Variants in UIMC1 observed in about 807,000 individuals in gnomAD.
The protein encoded by UIMC1 is ubiquitin interaction motif containing 1.
In UIMC1, 42 loss-of-function variants were observed where a neutral mutation model predicts 84.9. The observed-to-expected ratio is 0.49, with a 90% confidence interval of 0.39 to 0.64. UIMC1 has a LOEUF of 0.64. Ranked by LOEUF, UIMC1 falls within the 30% of genes least tolerant of loss-of-function variation. The probability of loss-of-function intolerance (pLI) is 0.00; values close to 1 mark genes in which losing one functional copy is unlikely to be tolerated. For synonymous variants in UIMC1, 281 were observed against 293.0 expected (o/e 0.96, Z 0.42); for missense variants, 825 against 847.6 (o/e 0.97, Z 0.33).
At position 176,944,026 on chromosome 5, in the gene UIMC1, C is replaced by T. The variant is rs141438398; in HGVS notation, c.1444-538G>A. Among the ~76,000 whole-genome samples the T allele has an allele frequency of 2.8e-3, 428 of 152,274 alleles. 3 individuals carry two copies. Among genetic ancestry groups the T allele is most frequent in the African/African-American group, 9.5e-3 (394 of 41,560 alleles). ...TGTGCCTGCTGGGTTTCACATTTTG[C>T]ATATCAACAGCACCTTAAGGACACA... On this transcript the variant is annotated intron_variant, in intron 9 of 14. Transcript: ENST00000511320.
At chr5:176,985,162 G>T (rs1258574715) in intron 1 of UIMC1, among the ~76,000 whole-genome samples, 2 of 151,316 alleles carry the variant, frequency 1.3e-5, no homozygotes, top group Admixed American at 6.6e-5. Flanking sequence ...TTTTTCTATA[G>T]AGAGAAACAT....
At chr5:176,993,883 T>G (rs538874202) in intron 1 of UIMC1, among the ~76,000 whole-genome samples, 1 of 151,600 alleles carries the variant, frequency 6.6e-6, no homozygotes, top group African/African-American at 2.4e-5. Flanking sequence ...TGGCAGGCAC[T>G]TGTAGTCCCA....
At chr5:176,925,359 C>G (rs567307257) in intron 10 of UIMC1, among the ~76,000 whole-genome samples, 1 of 152,086 alleles carries the variant, frequency 6.6e-6, no homozygotes, top group East Asian at 1.9e-4. Flanking sequence ...AGATGTAAAA[C>G]AAGTAAAATA....
intron 10 of UIMC1, among the ~76,000 whole-genome samples, chr5:176,938,565 C>T (rs908467788): frequency 2.0e-5 from 3 of 151,848 alleles, no homozygotes; most frequent in African/African-American, 7.3e-5. Context: ...ACCCTGCTCC[C>T]TCTCATAGGG....
chr5:176,908,269 T>C (rs965115499), intron 12 of UIMC1, among the ~76,000 whole-genome samples: 4 of 152,208 alleles, frequency 2.6e-5, no homozygotes, highest in Non-Finnish European at 5.9e-5. Flanking sequence ...TTATCATCTT[T>C]GAGTAGCTAA....
At chr5:176,915,091 T>C (rs1327491932) in intron 10 of UIMC1, among the ~76,000 whole-genome samples, 1 of 152,170 alleles carries the variant, frequency 6.6e-6, no homozygotes, top group African/African-American at 2.4e-5. Flanking sequence ...ACTCCACAGA[T>C]AGGGATGGAA....
At chr5:176,911,784 C>T (rs1232442660) in intron 10 of UIMC1, among the ~76,000 whole-genome samples, 1 of 152,106 alleles carries the variant, frequency 6.6e-6, no homozygotes, top group East Asian at 1.9e-4. Flanking sequence ...GTAATGATAG[C>T]CATCCGAGTG....
At chr5:176,998,466 C>CA (rs35445945) in intron 1 of UIMC1, among the ~76,000 whole-genome samples, 1,080 of 64,382 alleles carry the variant, frequency 0.017, 56 homozygotes, top group Non-Finnish European at 0.021. Flanking sequence ...GACTCTGTCT[C>CA]AAAAAAAAAA....
At chr5:176,991,590 A>AG (rs1772837620) in intron 1 of UIMC1, among the ~76,000 whole-genome samples, 1 of 140,162 alleles carries the variant, frequency 7.1e-6, no homozygotes, top group African/African-American at 2.7e-5. Context: ...TGGTGGCACT[A>AG]TTGCATTCAA....
chr5:177,008,040 G>A (rs1304289716), upstream of UIMC1, among the ~76,000 whole-genome samples: 1 of 151,010 alleles, frequency 6.6e-6, no homozygotes, highest in Non-Finnish European at 1.5e-5. Flanking sequence ...GGGAGGCAGA[G>A]GTTGCAGTGA....
At chr5:177,019,791 G>C (rs1454933302) in intron 1 of UIMC1, among the ~76,000 whole-genome samples, 1 of 152,090 alleles carries the variant, frequency 6.6e-6, no homozygotes. Flanking sequence ...ACATAGCTGG[G>C]TATAGTGATG....
At chr5:176,984,980 G>A (rs1415074015) in intron 1 of UIMC1, among the ~76,000 whole-genome samples, 1 of 152,016 alleles carries the variant, frequency 6.6e-6, no homozygotes, top group Non-Finnish European at 1.5e-5. Flanking sequence ...CCTCTGCCTA[G>A]GAAAACCAGA....
intron 7 of UIMC1, 127 bp downstream of exon 7, chr5:176,957,966 G>A: frequency 1.4e-6 from 1 of 701,644 alleles, no homozygotes; most frequent in South Asian, 3.7e-5. Context: ...ATTTCTCCTA[G>A]TCTTCACTTA....
intron 1 of UIMC1, among the ~76,000 whole-genome samples, chr5:176,984,119 T>G (rs1677493034): frequency 1.8e-5 from 2 of 110,050 alleles, no homozygotes; most frequent in African/African-American, 7.2e-5. Flanking sequence ...CCGCCCTGTC[T>G]GGAAAGTGAG....
chr5:176,949,612 A>G (rs951235466), intron 9 of UIMC1, among the ~76,000 whole-genome samples: 5 of 152,104 alleles, frequency 3.3e-5, no homozygotes, highest in Non-Finnish European at 4.4e-5. Flanking sequence ...CATCTTTCCT[A>G]CCACCACTGG....
At chr5:176,942,586 A>AC (rs911087781) in intron 10 of UIMC1, among the ~76,000 whole-genome samples, 1 of 151,612 alleles carries the variant, frequency 6.6e-6, no homozygotes, top group African/African-American at 2.4e-5. Flanking sequence ...ACTAAAAAAA[A>AC]AATACAAAAA....
chr5:176,970,663 C>T, intron 4 of UIMC1, 79 bp downstream of exon 4: 2 of 1,606,356 alleles, frequency 1.2e-6, no homozygotes, highest in Non-Finnish European at 1.7e-6. Context: ...CAGCTAGTTC[C>T]TAATGCAACT....
chr5:176,905,433 G>C lies in UIMC1; in HGVS notation c.2009C>G (p.Thr670Arg), dbSNP rs757135862. 1 of 1,614,160 alleles carries C rather than the reference G, an allele frequency of 6.2e-7. No individual in the cohort carries two copies. Among genetic ancestry groups the C allele is most frequent in the East Asian group, 2.2e-5 (1 of 44,890 alleles). ...GGGAGATTCATTTAAGTCACGACGT[G>C]TGAAAGAACTCTGCATCTCTCTGCT... ...GCSREMQSSF[T>R]RRDLNESPVK... Residue 670 changes from threonine to arginine, a missense_variant, in exon 15 of 15, where the codon ACA becomes AGA. Thr to Arg is a moderately conservative substitution (Grantham distance 71). Coordinates refer to ENST00000511320, the MANE Select transcript of UIMC1 (RefSeq NM_001199298.2).
intron 10 of UIMC1, among the ~76,000 whole-genome samples, chr5:176,921,335 T>C (rs1415312760): frequency 6.6e-6 from 1 of 152,190 alleles, no homozygotes; most frequent in Admixed American, 6.5e-5. Context: ...TCCTGAAACA[T>C]CAATTTTTCC....
Sources: gnomAD v4.1 joint callset for allele counts (sites outside exome capture counted in the v4.1 genomes callset) on GRCh38, gnomAD v4.1.1 for gene constraint, MANE v1.5 for transcripts, NCBI Gene and HGNC (gene_info 2026-07-23, HGNC 2026-07-21) for gene names.